Variants in TAFA1 observed in about 807,000 individuals in gnomAD.
The protein encoded by TAFA1 is chemokine-like protein TAFA-1.
Under a neutral mutation model 18.5 loss-of-function variants are expected in TAFA1, and 4 were observed. The ratio of observed to expected loss-of-function variants is 0.22; its 90% CI spans 0.11 to 0.49. The LOEUF (loss-of-function observed/expected upper bound fraction) is 0.49. Among genes scored for constraint, TAFA1 ranks in the 20% least tolerant of loss-of-function variants. The probability of loss-of-function intolerance (pLI) is 0.98; values close to 1 mark genes in which losing one functional copy is unlikely to be tolerated. For missense variants in TAFA1, 147 were observed against 169.0 expected, an observed-to-expected ratio of 0.87 and a Z score of 0.72; for synonymous variants, 56 against 55.2, an observed-to-expected ratio of 1.01 and a Z score of -0.06.
intron 2 of TAFA1, among the ~76,000 whole-genome samples, chr3:68,090,454 A>C (rs373862383): frequency 6.6e-6 from 1 of 152,178 alleles, no homozygotes; most frequent in African/African-American, 2.4e-5. Flanking sequence ...CCACAACTCA[A>C]AACCACAAGA....
intron 2 of TAFA1, among the ~76,000 whole-genome samples, chr3:68,340,803 T>C (rs2069069578): frequency 1.3e-5 from 2 of 152,062 alleles, no homozygotes; most frequent in Admixed American, 6.5e-5. Context: ...CTAAATTTGA[T>C]TTTTTTTAAG....
At chr3:68,401,605 C>A (rs2070493706) in intron 2 of TAFA1, among the ~76,000 whole-genome samples, 1 of 152,216 alleles carries the variant, frequency 6.6e-6, no homozygotes, top group Non-Finnish European at 1.5e-5. Context: ...AGACTTGCGT[C>A]TTTTCGTCAG....
chr3:68,522,435 G>A (rs1209829453), intron 3 of TAFA1, among the ~76,000 whole-genome samples: 3 of 152,158 alleles, frequency 2.0e-5, no homozygotes, highest in Non-Finnish European at 1.5e-5. Flanking sequence ...AAGGTTCGGG[G>A]AGCTAGATGG....
intron 2 of TAFA1, among the ~76,000 whole-genome samples, chr3:68,402,990 C>A (rs1465288258): frequency 6.6e-6 from 1 of 152,182 alleles, no homozygotes; most frequent in Non-Finnish European, 1.5e-5. Context: ...CAGTTAACGA[C>A]AGACCTATAA....
intron 2 of TAFA1, among the ~76,000 whole-genome samples, chr3:68,024,381 T>C (rs1313421190): frequency 6.6e-6 from 1 of 152,156 alleles, no homozygotes; most frequent in Non-Finnish European, 1.5e-5. Flanking sequence ...TTTCAAACCC[T>C]ACGAGTATGG....
chr3:68,087,121 A>T (rs1310937112), intron 2 of TAFA1, among the ~76,000 whole-genome samples: 1 of 152,202 alleles, frequency 6.6e-6, no homozygotes, highest in Non-Finnish European at 1.5e-5. Flanking sequence ...ACCATTGGAT[A>T]CCTACTGTTG....
chr3:68,486,137 ATTTTATTTTG>A (rs2072336096), intron 3 of TAFA1, among the ~76,000 whole-genome samples: 1 of 140,882 alleles, frequency 7.1e-6, no homozygotes, highest in Admixed American at 7.1e-5. Flanking sequence ...ATTTTATTTT[ATTTTATTTTG>A]GTAGAGATAG....
chr3:68,444,798 AT>A (rs1559673068), intron 3 of TAFA1, among the ~76,000 whole-genome samples: 3 of 132,806 alleles, frequency 2.3e-5, no homozygotes, highest in East Asian at 2.3e-4. Context: ...ATATATATAT[AT>A]ATATATATAT....
chr3:68,009,259 G>A (rs1047419745), intron 2 of TAFA1, among the ~76,000 whole-genome samples: 5 of 152,306 alleles, frequency 3.3e-5, no homozygotes, highest in Non-Finnish European at 7.3e-5. Flanking sequence ...CTTTCACATA[G>A]TTGTCTCTCT....
At chr3:68,402,247 T>C (rs6549122) in intron 2 of TAFA1, among the ~76,000 whole-genome samples, 63,469 of 151,840 alleles carry the variant, frequency 0.42, 13,814 homozygotes, top group Non-Finnish European at 0.45. Flanking sequence ...TGCAAACTTG[T>C]CTCTGTTATT....
chr3:68,523,731 T>C (rs1307707475), intron 3 of TAFA1, among the ~76,000 whole-genome samples: 1 of 152,232 alleles, frequency 6.6e-6, no homozygotes, highest in Non-Finnish European at 1.5e-5. Flanking sequence ...AAGATTGTTT[T>C]TATTTTTCTT....
chr3:68,183,210 C>T (rs1201926615), intron 2 of TAFA1, among the ~76,000 whole-genome samples: 1 of 152,146 alleles, frequency 6.6e-6, no homozygotes, highest in African/African-American at 2.4e-5. Context: ...AAAGTTATCC[C>T]AGGACCACTT....
At position 68,352,290 on chromosome 3, in the gene TAFA1, C is replaced by A. The variant is rs117356977; in HGVS notation, c.119-64990C>A. ...AAGAGAAAACAAGCAGGTTTATTAA[C>A]GCATGCAGTACACATCATGCAGGGG... On this transcript the variant is annotated intron_variant, in intron 2 of 4. Coordinates refer to ENST00000478136, the MANE Select transcript of TAFA1 (RefSeq NM_213609.4). 2.0e-5 allele frequency among the ~76,000 whole-genome samples: 3 copies of A among 151,924 alleles called. No individual in the cohort carries two copies. The East Asian group carries it at 5.8e-4, about 29-fold the overall frequency.
At chr3:68,274,415 A>T (rs142487284) in intron 2 of TAFA1, among the ~76,000 whole-genome samples, 5 of 152,346 alleles carry the variant, frequency 3.3e-5, no homozygotes, top group Middle Eastern at 3.4e-3. Context: ...ACAGTGTGGG[A>T]TGCCAATACA....
At chr3:68,484,286 A>G (rs1025285767) in intron 3 of TAFA1, among the ~76,000 whole-genome samples, 29 of 152,210 alleles carry the variant, frequency 1.9e-4, no homozygotes, top group Non-Finnish European at 1.5e-4. Flanking sequence ...AGTGGTTACC[A>G]TGTTGAACAG....
At chr3:68,182,158 A>G (rs2066210872) in intron 2 of TAFA1, among the ~76,000 whole-genome samples, 1 of 152,184 alleles carries the variant, frequency 6.6e-6, no homozygotes, top group Non-Finnish European at 1.5e-5. Context: ...GCAGTGAGTC[A>G]TGATTAAACC....
chr3:68,194,617 T>C (rs897383439), intron 2 of TAFA1, among the ~76,000 whole-genome samples: 1 of 151,776 alleles, frequency 6.6e-6, no homozygotes, highest in Admixed American at 6.6e-5. Flanking sequence ...TAAGAAATAA[T>C]GTACCTTCAG....
At chr3:68,073,299 TC>T (rs1178571897) in intron 2 of TAFA1, among the ~76,000 whole-genome samples, 1 of 152,142 alleles carries the variant, frequency 6.6e-6, no homozygotes, top group Non-Finnish European at 1.5e-5. Flanking sequence ...AAAGAAGAAA[TC>T]CCTCAAGGTT....
At chr3:68,064,683 T>C (rs1469453224) in intron 2 of TAFA1, among the ~76,000 whole-genome samples, 3 of 151,916 alleles carry the variant, frequency 2.0e-5, no homozygotes, top group Non-Finnish European at 4.4e-5. Context: ...CCAAGAAAGC[T>C]TCTTAACTCC....
Sources: allele counts gnomAD v4.1 joint callset (sites outside exome capture counted in the v4.1 genomes callset), GRCh38; gene constraint gnomAD v4.1.1; transcripts MANE v1.5; gene names NCBI Gene and HGNC (gene_info 2026-07-23, HGNC 2026-07-21).